PIK3CG: variants seen among roughly 807,000 people sequenced by gnomAD.
The protein encoded by PIK3CG is phosphatidylinositol 4,5-bisphosphate 3-kinase catalytic subunit gamma isoform.
Under a neutral mutation model 102.3 loss-of-function variants are expected in PIK3CG, and 55 were observed. That is an observed-to-expected ratio of 0.54 (90% CI 0.43 to 0.67). The LOEUF (loss-of-function observed/expected upper bound fraction) is 0.67. Ranked by LOEUF, PIK3CG falls within the 30% of genes least tolerant of loss-of-function variation. The probability of loss-of-function intolerance (pLI) is 0.00; values close to 1 mark genes in which losing one functional copy is unlikely to be tolerated. For synonymous variants in PIK3CG, 552 were observed against 540.0 expected, an observed-to-expected ratio of 1.02 and a Z score of -0.31; for missense variants, 1,258 against 1,391.8, an observed-to-expected ratio of 0.90 and a Z score of 1.53.
rs1012380609 is a variant in PIK3CG, at chr7:106,890,767, G to A, written c.3030+4475G>A. 1.3e-5 allele frequency among the ~76,000 whole-genome samples: 2 copies of A among 152,174 alleles called. No homozygotes were observed. The highest frequency in any genetic ancestry group is 2.9e-5 in the Non-Finnish European group (2 of 68,036). ...GAATAAAATCTAAATATCCAGGCTT[G>A]GCCTGCTAGGCCCTGTGTGAGGCTG... On this transcript the variant is annotated intron_variant, in intron 10 of 10. Transcript: ENST00000496166. This position sits in a 1 kb window ranked among gnomAD's most constrained non-coding sequence, Gnocchi z 4.2.
Position 106,906,870 on chromosome 7 carries a change from G to A in PIK3CG, c.*1483G>A, listed in dbSNP as rs570464754. 1 of 222,550 alleles carries A rather than the reference G, an allele frequency of 4.5e-6. No homozygotes were observed. Among genetic ancestry groups the A allele is most frequent in the Non-Finnish European group, 8.8e-6 (1 of 113,612 alleles). The allele number at this position is 222,550 out of a possible 1,614,324, so 13.8% of individuals were successfully genotyped here. On this transcript the variant is annotated 3_prime_UTR_variant, in exon 11 of 11. Transcript: ENST00000496166. ...TTTTAATGTGTGCAAAAGCCCAAAG[G>A]TTCCTAAGCCTGGCTGCAAAGAAGA...
Position 106,869,163 on chromosome 7 carries a change from C to A in PIK3CG, c.1602C>A (p.Pro534=), listed in dbSNP as rs200597596. ...CHPIALPKHQ[P]TPDPEGDRVR... is the part of the protein sequence containing the mutation. ...CGATAGCCCTGCCTAAGCATCAGCC[C>A]ACCCCTGACCCGGAAGGGGACCGGG... Residue 534 remains proline, a synonymous_variant, in exon 2 of 11, where the codon CCC becomes CCA. Coordinates refer to ENST00000496166, the MANE Select transcript of PIK3CG (RefSeq NM_001282426.2). This position sits in a 1 kb window ranked among gnomAD's most constrained non-coding sequence, Gnocchi z 5.3. 8 of 1,614,206 alleles carry A rather than the reference C, an allele frequency of 5.0e-6. No homozygotes were observed. In the Admixed American group the frequency reaches 1.2e-4, roughly 24 times the overall value.
chr7:106,886,957 C>T (rs1346264341), intron 10 of PIK3CG, among the ~76,000 whole-genome samples: 1 of 151,406 alleles, frequency 6.6e-6, no homozygotes, highest in African/African-American at 2.4e-5. Context: ...TTGTCTTGGG[C>T]AACACATAAA....
chr7:106,895,949 G>C lies in PIK3CG; in HGVS notation c.3031-9160G>C, dbSNP rs1454576380. 6.6e-6 allele frequency among the ~76,000 whole-genome samples: 1 copy of C among 152,220 alleles called. No individual in the cohort carries two copies. Among genetic ancestry groups the C allele is most frequent in the Non-Finnish European group, 1.5e-5 (1 of 68,038 alleles). ...AGCACACTGCCTTTCAGCAAAGGCT[G>C]ATTAAAGCTGCACCAAGTCTCTAAG... On this transcript the variant is annotated intron_variant, in intron 10 of 10. Transcript: ENST00000496166. This position sits in a 1 kb window ranked among gnomAD's most constrained non-coding sequence, Gnocchi z 5.4.
In PIK3CG at chr7:106,876,541, G is replaced by A. The variant is rs535684555; in HGVS notation, c.2391+1738G>A. 2.0e-4 allele frequency among the ~76,000 whole-genome samples: 30 copies of A among 150,640 alleles called. 1 individual carries two copies. In the East Asian group the frequency reaches 5.5e-3, roughly 28 times the overall value. On this transcript the variant is annotated intron_variant, in intron 5 of 10. Coordinates refer to ENST00000496166, the MANE Select transcript of PIK3CG (RefSeq NM_001282426.2). ...CAAGTAGCTGGGACTACAGGTGCCC[G>A]CCACCACACCCAGCTAATTTTTTTT... is the stretch of plus-strand genomic sequence containing the variant.
rs2116446860 is a variant in PIK3CG at position 106,868,678 on chromosome 7, C to G, written c.1117C>G (p.Leu373Val). ...VKIRGIDIPV[L>V]PRNTDLTVFV... Reference sequence around the variant, plus strand: ...GATCAGAGGCATTGATATCCCCGTCCTGCCTCGGAACACCGACCTCACAGT... The same window carrying G: ...GATCAGAGGCATTGATATCCCCGTCGTGCCTCGGAACACCGACCTCACAGT... Residue 373 changes from leucine to valine, a missense_variant, in exon 2 of 11, where the codon CTG becomes GTG. Coordinates refer to ENST00000496166, the MANE Select transcript of PIK3CG (RefSeq NM_001282426.2). This position sits in a 1 kb window ranked among gnomAD's most constrained non-coding sequence, Gnocchi z 6.2. 1 of 1,614,248 alleles carries G rather than the reference C, an allele frequency of 6.2e-7. No individual in the cohort carries two copies. Among genetic ancestry groups the G allele is most frequent in the Admixed American group, 1.7e-5 (1 of 60,036 alleles).
chr7:106,867,513 T>A lies in PIK3CG; in HGVS notation c.-12-37T>A. On this transcript the variant is annotated intron_variant, in intron 1 of 10. Coordinates refer to ENST00000496166, the MANE Select transcript of PIK3CG (RefSeq NM_001282426.2). The surrounding 1 kb of genome is among the most constrained non-coding windows in gnomAD (Gnocchi z 5.1). Reference sequence around the variant, plus strand: ...CCAGAAAATATAAGGGGAAAGTGCCTTTCTTGTGACAAATCCCTGTGTCCC... The same window carrying A: ...CCAGAAAATATAAGGGGAAAGTGCCATTCTTGTGACAAATCCCTGTGTCCC... 1 of 1,510,702 alleles carries A rather than the reference T, an allele frequency of 6.6e-7. No homozygotes were observed. The highest frequency in any genetic ancestry group is 8.9e-7 in the Non-Finnish European group (1 of 1,128,592). 93.6% of individuals were successfully genotyped at this position (1,510,702 alleles called of 1,614,324 possible).
At chr7:106,865,638 T>G (rs1018515909) in intron 1 of PIK3CG, 9 of 152,248 alleles carry the variant, frequency 5.9e-5, no homozygotes, top group African/African-American at 2.2e-4. Context: ...TGTTTTTGTT[T>G]TGGGAGGAAA....
intron 10 of PIK3CG, among the ~76,000 whole-genome samples, chr7:106,900,827 T>C (rs1002157878): frequency 5.3e-5 from 8 of 152,172 alleles, no homozygotes; most frequent in African/African-American, 1.9e-4. Flanking sequence ...GCTTAGTTTG[T>C]CTGGATATGA....
rs1270786627 is a variant in PIK3CG at position 106,905,573 on chromosome 7, A to T, written c.*186A>T. The T allele has an allele frequency of 1.6e-5, 10 of 610,318 alleles. No homozygotes were observed. The highest frequency in any genetic ancestry group is 2.6e-5 in the Non-Finnish European group (9 of 349,756). 37.8% of individuals were successfully genotyped at this position (610,318 alleles called of 1,614,324 possible). A position where few individuals can be genotyped will look rare whatever the true frequency, so the allele number is the denominator to read the frequency against. ...GCATTGCTGATTGTTTGGTTAAGCAATGTCCAGTGCTAGGATTATTTGCAG... is the reference window on the plus strand; with the variant it reads ...GCATTGCTGATTGTTTGGTTAAGCATTGTCCAGTGCTAGGATTATTTGCAG... On this transcript the variant is annotated 3_prime_UTR_variant, in exon 11 of 11. Transcript: ENST00000496166. The surrounding 1 kb of genome is among the most constrained non-coding windows in gnomAD (Gnocchi z 5.6).
In PIK3CG at chr7:106,874,848, G is replaced by GATGCTTT. The variant is rs1790672304; in HGVS notation, c.2391+48_2391+49insCTTTATG. ...CTCCATGTGGTCTTTATGTCTTGAA[G>GATGCTTT]ATGTCTAACGTGCTTGCTGGGGCCC... On this transcript the variant is annotated intron_variant, in intron 5 of 10. Transcript: ENST00000496166. The surrounding 1 kb of genome is among the most constrained non-coding windows in gnomAD (Gnocchi z 4.3). 2 of 1,256,260 alleles carry GATGCTTT rather than the reference G, an allele frequency of 1.6e-6. No homozygotes were observed. Among genetic ancestry groups the GATGCTTT allele is most frequent in the Non-Finnish European group, 2.3e-6 (2 of 863,536 alleles). The allele number at this position is 1,256,260 out of a possible 1,614,324, so 77.8% of individuals were successfully genotyped here. A position where few individuals can be genotyped will look rare whatever the true frequency, so the allele number is the denominator to read the frequency against.
At position 106,869,676 on chromosome 7, in the gene PIK3CG, A is replaced by G. The variant is rs923910900; in HGVS notation, c.1995+120A>G. 1 of 805,302 alleles carries G rather than the reference A, an allele frequency of 1.2e-6. No homozygotes were observed. The highest frequency in any genetic ancestry group is 1.9e-6 in the Non-Finnish European group (1 of 515,550). 49.9% of individuals were successfully genotyped at this position (805,302 alleles called of 1,614,324 possible). On this transcript the variant is annotated intron_variant, in intron 2 of 10. Transcript: ENST00000496166. This position sits in a 1 kb window ranked among gnomAD's most constrained non-coding sequence, Gnocchi z 5.3. ...TGTTCAGAGCTTCATCATCGGCAAA[A>G]GTAGATATGATGAAGCTGCCTCAAA... is the stretch of plus-strand genomic sequence containing the variant.
rs1584341429 is a variant in PIK3CG at position 106,890,243 on chromosome 7, G to C, written c.3030+3951G>C. On this transcript the variant is annotated intron_variant, in intron 10 of 10. Transcript: ENST00000496166. This position sits in a 1 kb window ranked among gnomAD's most constrained non-coding sequence, Gnocchi z 4.2. ...GTTGCCCAGGCTGGAATGCAGTGGTGTGATCTCGGCTCACTGCAACCTCTG... is the reference window on the plus strand; with the variant it reads ...GTTGCCCAGGCTGGAATGCAGTGGTCTGATCTCGGCTCACTGCAACCTCTG... 6.6e-6 allele frequency among the ~76,000 whole-genome samples: 1 copy of C among 152,318 alleles called. No homozygotes were observed. Among genetic ancestry groups the C allele is most frequent in the East Asian group, 1.9e-4 (1 of 5,180 alleles).
rs1027065574 is a variant in PIK3CG, at chr7:106,874,937, C to T, written c.2391+134C>T. On this transcript the variant is annotated intron_variant, in intron 5 of 10. Coordinates refer to ENST00000496166, the MANE Select transcript of PIK3CG (RefSeq NM_001282426.2). This position sits in a 1 kb window ranked among gnomAD's most constrained non-coding sequence, Gnocchi z 4.3. ...CTGGAGAGTCTCTGGATGGGTTTCTCATAAGCCCTTGTCTAATCACTGGTT... is the reference window on the plus strand; with the variant it reads ...CTGGAGAGTCTCTGGATGGGTTTCTTATAAGCCCTTGTCTAATCACTGGTT... 2 of 581,660 alleles carry T rather than the reference C, an allele frequency of 3.4e-6. No homozygotes were observed. The highest frequency in any genetic ancestry group is 2.3e-5 in the South Asian group (1 of 43,740). 36.0% of individuals were successfully genotyped at this position (581,660 alleles called of 1,614,324 possible).
chr7:106,871,204 G>A (rs1790519128), intron 2 of PIK3CG, among the ~76,000 whole-genome samples: 1 of 152,034 alleles, frequency 6.6e-6, no homozygotes. Context: ...GATCAAAATG[G>A]TCTCCTAGTT....
At chr7:106,871,918 G>T (rs1484915275) in intron 2 of PIK3CG, among the ~76,000 whole-genome samples, 1 of 152,166 alleles carries the variant, frequency 6.6e-6, no homozygotes, top group Admixed American at 6.5e-5. Context: ...GGGACTTTTG[G>T]ACAGAAAGCT....
rs1791382780 is a variant in PIK3CG at position 106,895,443 on chromosome 7, G to A, written c.3030+9151G>A. ...CCAAAAGGCAGAAATGAAACTTCTGGGACTGAGCGGGCAGGGCAGGTGCTC... is the reference window on the plus strand; with the variant it reads ...CCAAAAGGCAGAAATGAAACTTCTGAGACTGAGCGGGCAGGGCAGGTGCTC... On this transcript the variant is annotated intron_variant, in intron 10 of 10. Transcript: ENST00000496166. This position sits in a 1 kb window ranked among gnomAD's most constrained non-coding sequence, Gnocchi z 5.4. Among the ~76,000 whole-genome samples, 1 of 152,208 alleles carries A rather than the reference G, an allele frequency of 6.6e-6. No individual in the cohort carries two copies. The highest frequency in any genetic ancestry group is 6.5e-5 in the Admixed American group (1 of 15,284).
rs1376853336 is a variant in PIK3CG, at chr7:106,883,795, C to T, written c.2761-360C>T. ...ATACATGGGGATCTGTGAACCCAAGCATACTCTTAGTGGTCACAAGCAAAA... is the reference window on the plus strand; with the variant it reads ...ATACATGGGGATCTGTGAACCCAAGTATACTCTTAGTGGTCACAAGCAAAA... On this transcript the variant is annotated intron_variant, in intron 8 of 10. Coordinates refer to ENST00000496166, the MANE Select transcript of PIK3CG (RefSeq NM_001282426.2). This position sits in a 1 kb window ranked among gnomAD's most constrained non-coding sequence, Gnocchi z 5.8. Among the ~76,000 whole-genome samples, 1 of 152,166 alleles carries T rather than the reference C, an allele frequency of 6.6e-6. No individual in the cohort carries two copies. Among genetic ancestry groups the T allele is most frequent in the Non-Finnish European group, 1.5e-5 (1 of 68,036 alleles).
In PIK3CG at chr7:106,868,925, A is replaced by G. The variant is rs762929566; in HGVS notation, c.1364A>G (p.Lys455Arg). 6 of 1,614,090 alleles carry G rather than the reference A, an allele frequency of 3.7e-6. No homozygotes were observed. Among genetic ancestry groups the G allele is most frequent in the African/African-American group, 2.7e-5 (2 of 74,928 alleles). ...ASAESPSSES[K>R]GKVQLLYYVN... is the part of the protein sequence containing the mutation. Reference sequence around the variant, plus strand: ...GCAGAGTCCCCCAGTTCTGAGTCCAAGGGCAAAGTTCAGCTTCTCTATTAT... The same window carrying G: ...GCAGAGTCCCCCAGTTCTGAGTCCAGGGGCAAAGTTCAGCTTCTCTATTAT... The change falls in exon 2 of 11, where the codon AAG becomes AGG. Residue 455 changes from lysine to arginine, a missense_variant. This residue lies in a region of PIK3CG where 832 missense variants were observed against 787.5 expected (regional missense o/e 1.06). Transcript: ENST00000496166. The surrounding 1 kb of genome is among the most constrained non-coding windows in gnomAD (Gnocchi z 6.2).
Sources: allele counts gnomAD v4.1 joint callset (sites outside exome capture counted in the v4.1 genomes callset), GRCh38; gene constraint gnomAD v4.1.1; regional missense constraint gnomAD v4.1.1; non-coding constraint Gnocchi (gnomAD v3.1); transcripts MANE v1.5; gene names NCBI Gene and HGNC (gene_info 2026-07-23, HGNC 2026-07-21).